GRM5: variants seen among roughly 807,000 people sequenced by gnomAD.
The protein encoded by GRM5 is metabotropic glutamate receptor 5.
In GRM5, 19 loss-of-function variants were observed where a neutral mutation model predicts 83.1. The ratio of observed to expected loss-of-function variants is 0.23; its 90% CI spans 0.16 to 0.34. GRM5 has a LOEUF of 0.34. GRM5 is among the 10% of genes least tolerant of loss of function. GRM5 has a pLI of 1.00. For missense variants in GRM5, 1,160 were observed against 1,588.3 expected (o/e 0.73, Z 4.58); for synonymous variants, 675 against 633.6 (o/e 1.07, Z -0.98).
chr11:88,733,896 A>C (rs1941857442), intron 3 of GRM5, among the ~76,000 whole-genome samples: 1 of 151,918 alleles, frequency 6.6e-6, no homozygotes, highest in African/African-American at 2.4e-5. Flanking sequence ...AGGGTCTATG[A>C]CCAATCCCAC....
chr11:88,971,832 T>C (rs1173198028), intron 2 of GRM5, among the ~76,000 whole-genome samples: 1 of 152,038 alleles, frequency 6.6e-6, no homozygotes, highest in Non-Finnish European at 1.5e-5. Flanking sequence ...TGTTTCTAGA[T>C]ACTAGGGAGC....
At chr11:88,872,899 T>C (rs1360955778) in intron 2 of GRM5, among the ~76,000 whole-genome samples, 1 of 148,612 alleles carries the variant, frequency 6.7e-6, no homozygotes, top group Non-Finnish European at 1.5e-5. Flanking sequence ...AATTCTTCAA[T>C]CAAAATAAAA....
chr11:89,021,341 C>G (rs555174491), intron 2 of GRM5, among the ~76,000 whole-genome samples: 2 of 152,324 alleles, frequency 1.3e-5, no homozygotes, highest in East Asian at 1.9e-4. Context: ...AATCAGCCCA[C>G]AGCCAAGGTT....
At chr11:89,036,259 C>T (rs1473990496) in intron 2 of GRM5, among the ~76,000 whole-genome samples, 1 of 151,974 alleles carries the variant, frequency 6.6e-6, no homozygotes, top group Admixed American at 6.6e-5. Context: ...TGTATTTGTA[C>T]TTATGCCAAA....
At chr11:88,547,876 A>T (rs150009907) in intron 8 of GRM5, among the ~76,000 whole-genome samples, 627 of 152,316 alleles carry the variant, frequency 4.1e-3, no homozygotes, top group Non-Finnish European at 6.9e-3. Flanking sequence ...GAAATAGCAC[A>T]CAGTACTTTG....
At chr11:88,653,510 C>T in intron 3 of GRM5, 107 bp from the exon 4 acceptor site, 1 of 682,490 alleles carries the variant, frequency 1.5e-6, no homozygotes, top group South Asian at 1.8e-5. Flanking sequence ...CTACCTCAGG[C>T]CCCATGATGG....
At chr11:88,689,358 G>T (rs1332544515) in intron 3 of GRM5, among the ~76,000 whole-genome samples, 1 of 152,188 alleles carries the variant, frequency 6.6e-6, no homozygotes, top group Non-Finnish European at 1.5e-5. Context: ...CTTATAGAAA[G>T]TGTTCCCAGT....
intron 2 of GRM5, among the ~76,000 whole-genome samples, chr11:88,913,585 CTCTT>C (rs1565289371): frequency 1.8e-5 from 2 of 111,892 alleles, no homozygotes; most frequent in Non-Finnish European, 3.4e-5. Flanking sequence ...TTCTCTCTCT[CTCTT>C]TTTTTTTTTT....
chr11:88,832,108 A>G (rs564286607), intron 3 of GRM5, among the ~76,000 whole-genome samples: 1 of 152,318 alleles, frequency 6.6e-6, no homozygotes, highest in Admixed American at 6.5e-5. Context: ...CACTGCCTAT[A>G]CCCAAAGAAA....
At chr11:88,871,148 G>A (rs2135561520) in intron 2 of GRM5, among the ~76,000 whole-genome samples, 1 of 151,706 alleles carries the variant, frequency 6.6e-6, no homozygotes, top group South Asian at 2.1e-4. Flanking sequence ...AAGCTTTTAT[G>A]CACATAATCT....
At chr11:88,564,872 T>A (rs1942839439) in intron 8 of GRM5, among the ~76,000 whole-genome samples, 1 of 151,006 alleles carries the variant, frequency 6.6e-6, no homozygotes, top group Non-Finnish European at 1.5e-5. Flanking sequence ...CCTGTAAAAC[T>A]CAGATTGTAT....
intron 2 of GRM5, among the ~76,000 whole-genome samples, chr11:89,034,162 T>A: frequency 6.6e-6 from 1 of 151,738 alleles, no homozygotes; most frequent in Non-Finnish European, 1.5e-5. Context: ...GTATGCTATA[T>A]CTGTCAGTGT....
intron 2 of GRM5, among the ~76,000 whole-genome samples, chr11:88,928,907 T>TATATATATATATACACACAC (rs369951090): frequency 2.9e-5 from 4 of 138,756 alleles, no homozygotes; most frequent in African/African-American, 1.1e-4. Flanking sequence ...TATGTGTATA[T>TATATATATATATACACACAC]ACACACACAC....
At chr11:88,652,275 T>C (rs1399601792) in intron 4 of GRM5, among the ~76,000 whole-genome samples, 1 of 152,050 alleles carries the variant, frequency 6.6e-6, no homozygotes, top group Admixed American at 6.6e-5. Flanking sequence ...CAATGTAGGA[T>C]AAGTCAGTTC....
intron 9 of GRM5, among the ~76,000 whole-genome samples, chr11:88,513,904 A>G (rs1303150110): frequency 6.8e-6 from 1 of 148,090 alleles, no homozygotes; most frequent in Non-Finnish European, 1.5e-5. Flanking sequence ...CAGTTGAGCT[A>G]AGATGTTGTA....
rs532915096 is a variant in GRM5, at chr11:88,708,947, A to G, written c.912-55544T>C. 6.6e-5 allele frequency among the ~76,000 whole-genome samples: 10 copies of G among 152,256 alleles called. No individual in the cohort carries two copies. The South Asian group carries it at 1.9e-3, about 28-fold the overall frequency. On this transcript the variant is annotated intron_variant, in intron 3 of 9. Coordinates refer to ENST00000305447, the MANE Select transcript of GRM5 (RefSeq NM_001143831.3). Reference sequence around the variant, plus strand: ...TTAAACACTTGTCGGCAAAAGGTCTAATGGCAGAAGGAAGTAAACAGAAAA... The same window carrying G: ...TTAAACACTTGTCGGCAAAAGGTCTGATGGCAGAAGGAAGTAAACAGAAAA...
chr11:88,882,899 A>AT (rs771078133), intron 2 of GRM5, among the ~76,000 whole-genome samples: 1 of 152,116 alleles, frequency 6.6e-6, no homozygotes, highest in Non-Finnish European at 1.5e-5. Context: ...GACCGTGAAT[A>AT]AGTCTCACAA....
chr11:88,860,660 C>A (rs1351540674), intron 2 of GRM5, among the ~76,000 whole-genome samples: 1 of 152,164 alleles, frequency 6.6e-6, no homozygotes, highest in Non-Finnish European at 1.5e-5. Flanking sequence ...CAGTTTAGAT[C>A]TGTGCTGTCT....
intron 3 of GRM5, among the ~76,000 whole-genome samples, chr11:88,821,470 T>C (rs1056555150): frequency 1.3e-5 from 2 of 151,966 alleles, no homozygotes; most frequent in African/African-American, 4.8e-5. Flanking sequence ...CAGGTTTCGA[T>C]GTCACCTTCC....
Sources: gnomAD v4.1 joint callset for allele counts (sites outside exome capture counted in the v4.1 genomes callset) on GRCh38, gnomAD v4.1.1 for gene constraint, MANE v1.5 for transcripts, NCBI Gene and HGNC (gene_info 2026-07-23, HGNC 2026-07-21) for gene names.